The following PTPRG variants were observed in gnomAD, a reference collection of about 807,000 sequenced individuals.
PTPRG encodes the protein protein tyrosine phosphatase receptor type G, also known as receptor-type tyrosine-protein phosphatase gamma.
Under a neutral mutation model 165.3 loss-of-function variants are expected in PTPRG, and 102 were observed. That is an observed-to-expected ratio of 0.62 (90% CI 0.53 to 0.73). The LOEUF (loss-of-function observed/expected upper bound fraction) is 0.73, where lower values mean the gene tolerates loss of function less well. Among genes scored for constraint, PTPRG ranks in the 30% least tolerant of loss-of-function variants. PTPRG has a pLI of 0.00. For missense variants in PTPRG, 1,866 were observed against 1,861.4 expected, an observed-to-expected ratio of 1.00 and a Z score of -0.05; for synonymous variants, 675 against 669.5, an observed-to-expected ratio of 1.01 and a Z score of -0.13.
chr3:61,808,347 G>A (rs936589322), intron 2 of PTPRG, among the ~76,000 whole-genome samples: 2 of 152,064 alleles, frequency 1.3e-5, no homozygotes, highest in Non-Finnish European at 2.9e-5. Flanking sequence ...CTCAAATCTT[G>A]CAGCTCATCA....
rs150186838 is a variant in PTPRG, at chr3:61,723,492, C to T, written c.86-25386C>T. On this transcript the variant is annotated intron_variant, in intron 1 of 29. Transcript: ENST00000474889. Reference sequence around the variant, plus strand: ...TTTAAATATATATTTTCTCATGTTACGAGGTCCTTGTTTCTATCAAAAAGG... The same window carrying T: ...TTTAAATATATATTTTCTCATGTTATGAGGTCCTTGTTTCTATCAAAAAGG... Among the ~76,000 whole-genome samples, 7 of 152,042 alleles carry T rather than the reference C, an allele frequency of 4.6e-5. No homozygotes were observed. In the East Asian group the frequency reaches 7.7e-4, roughly 17 times the overall value.
intron 1 of PTPRG, among the ~76,000 whole-genome samples, chr3:61,702,039 C>T (rs113067941): frequency 6.6e-5 from 10 of 152,216 alleles, no homozygotes; most frequent in African/African-American, 1.7e-4. Context: ...AGTGCAGTGG[C>T]GCGATCTCGG....
At chr3:62,167,097 T>G (rs1261865115) in intron 7 of PTPRG, among the ~76,000 whole-genome samples, 1 of 152,182 alleles carries the variant, frequency 6.6e-6, no homozygotes, top group Admixed American at 6.5e-5. Flanking sequence ...ATAATATTAA[T>G]AATAATGATG....
intron 1 of PTPRG, among the ~76,000 whole-genome samples, chr3:61,668,942 A>G (rs1168954240): frequency 6.6e-6 from 1 of 152,246 alleles, no homozygotes; most frequent in African/African-American, 2.4e-5. Flanking sequence ...GAGAATACTT[A>G]GTATTTGCTA....
intron 2 of PTPRG, among the ~76,000 whole-genome samples, chr3:61,808,254 A>AT (rs1191880219): frequency 6.6e-6 from 1 of 152,188 alleles, no homozygotes; most frequent in Non-Finnish European, 1.5e-5. Context: ...AAACCCTCCG[A>AT]TTTTTTGTTT....
chr3:61,579,550 A>G (rs1700236768), intron 1 of PTPRG, among the ~76,000 whole-genome samples: 1 of 152,192 alleles, frequency 6.6e-6, no homozygotes, highest in African/African-American at 2.4e-5. Flanking sequence ...TCCAGGTGTA[A>G]AAGTTGAGGT....
At chr3:61,888,868 A>G (rs1181655409) in intron 2 of PTPRG, among the ~76,000 whole-genome samples, 1 of 152,154 alleles carries the variant, frequency 6.6e-6, no homozygotes, top group African/African-American at 2.4e-5. Context: ...ATCTTATGAA[A>G]TTGACATTTT....
At chr3:61,753,193 A>G (rs1326714005) in intron 2 of PTPRG, among the ~76,000 whole-genome samples, 1 of 152,212 alleles carries the variant, frequency 6.6e-6, no homozygotes, top group Non-Finnish European at 1.5e-5. Context: ...GAAGGTATGA[A>G]ATGGAACATA....
At chr3:61,892,027 T>C (rs942315588) in intron 2 of PTPRG, among the ~76,000 whole-genome samples, 1 of 152,228 alleles carries the variant, frequency 6.6e-6, no homozygotes, top group Admixed American at 6.5e-5. Context: ...TAACTGCTGG[T>C]AATGTGCTAG....
chr3:61,862,790 G>A (rs1240685626), intron 2 of PTPRG, among the ~76,000 whole-genome samples: 1 of 152,096 alleles, frequency 6.6e-6, no homozygotes, highest in Non-Finnish European at 1.5e-5. Flanking sequence ...CTATTTCAGG[G>A]AGTTCTCTCT....
chr3:62,103,700 G>A (rs1225679959), intron 5 of PTPRG, among the ~76,000 whole-genome samples: 1 of 152,180 alleles, frequency 6.6e-6, no homozygotes, highest in Non-Finnish European at 1.5e-5. Flanking sequence ...GAGTATCTGT[G>A]TCTGCATTTT....
intron 2 of PTPRG, among the ~76,000 whole-genome samples, chr3:61,939,437 G>T (rs1253841491): frequency 6.6e-6 from 1 of 152,210 alleles, no homozygotes; most frequent in Admixed American, 6.5e-5. Flanking sequence ...TAAAATCGCA[G>T]TGTGAAGATA....
intron 2 of PTPRG, among the ~76,000 whole-genome samples, chr3:61,755,209 T>G (rs1253509227): frequency 6.6e-6 from 1 of 152,178 alleles, no homozygotes; most frequent in Non-Finnish European, 1.5e-5. Context: ...GGTTTCGCCC[T>G]GTTAGCAAGG....
chr3:61,739,544 G>T (rs1035512769), intron 1 of PTPRG, among the ~76,000 whole-genome samples: 2 of 152,178 alleles, frequency 1.3e-5, no homozygotes, highest in African/African-American at 4.8e-5. Context: ...TTGTAGTGTA[G>T]TATCAGTTAT....
At chr3:61,607,191 G>T (rs1247366872) in intron 1 of PTPRG, among the ~76,000 whole-genome samples, 3 of 152,164 alleles carry the variant, frequency 2.0e-5, no homozygotes, top group African/African-American at 7.2e-5. Flanking sequence ...TCTAGAATTG[G>T]TATTCTGTGT....
At chr3:61,634,086 T>G (rs1193353491) in intron 1 of PTPRG, among the ~76,000 whole-genome samples, 1 of 151,952 alleles carries the variant, frequency 6.6e-6, no homozygotes, top group Non-Finnish European at 1.5e-5. Flanking sequence ...GGCTAATTTT[T>G]TTTATTTTTA....
At chr3:61,962,075 G>T (rs1412135211) in intron 2 of PTPRG, among the ~76,000 whole-genome samples, 1 of 152,132 alleles carries the variant, frequency 6.6e-6, no homozygotes, top group Non-Finnish European at 1.5e-5. Context: ...TGGGTTTTAA[G>T]TACGTTGATT....
chr3:61,648,967 G>C (rs1702275962), intron 1 of PTPRG, among the ~76,000 whole-genome samples: 1 of 152,166 alleles, frequency 6.6e-6, no homozygotes, highest in Admixed American at 6.5e-5. Flanking sequence ...GAAGCAAATA[G>C]ACGTTTCATA....
chr3:61,652,924 T>C (rs922863269), intron 1 of PTPRG, among the ~76,000 whole-genome samples: 1 of 152,230 alleles, frequency 6.6e-6, no homozygotes, highest in South Asian at 2.1e-4. Flanking sequence ...GAAGCCTGTT[T>C]GGCAGCTGCA....
Sources: gnomAD v4.1 joint callset for allele counts (sites outside exome capture counted in the v4.1 genomes callset) on GRCh38, gnomAD v4.1.1 for gene constraint, MANE v1.5 for transcripts, NCBI Gene and HGNC (gene_info 2026-07-23, HGNC 2026-07-21) for gene names.